MYT1L: variants seen among roughly 807,000 people sequenced by gnomAD.
MYT1L encodes the protein myelin transcription factor 1-like protein.
Under a neutral mutation model 126.7 loss-of-function variants are expected in MYT1L, and 12 were observed. The observed-to-expected ratio is 0.09, with a 90% CI of 0.06 to 0.15. The LOEUF (loss-of-function observed/expected upper bound fraction) is 0.15. Ranked by LOEUF, MYT1L falls within the 10% of genes least tolerant of loss-of-function variation. The pLI, the probability that MYT1L is intolerant of heterozygous loss-of-function variation, is 1.00. For missense variants in MYT1L, 979 were observed against 1,585.2 expected, an observed-to-expected ratio of 0.62 and a Z score of 6.49; for synonymous variants, 541 against 604.2, an observed-to-expected ratio of 0.90 and a Z score of 1.53.
At chr2:1,877,149 C>T (rs2148760622) in intron 18 of MYT1L, among the ~76,000 whole-genome samples, 1 of 152,322 alleles carries the variant, frequency 6.6e-6, no homozygotes, top group East Asian at 1.9e-4. Flanking sequence ...GTTGCAGCTG[C>T]ATAGGTGAGG....
intron 2 of MYT1L, among the ~76,000 whole-genome samples, chr2:2,248,418 A>G (rs2094574640): frequency 1.3e-5 from 2 of 152,120 alleles, no homozygotes; most frequent in African/African-American, 2.4e-5. Flanking sequence ...CCAGGACCCA[A>G]TGGCTTCACT....
chr2:2,177,054 G>A (rs768326934), intron 2 of MYT1L, among the ~76,000 whole-genome samples: 2 of 152,314 alleles, frequency 1.3e-5, no homozygotes, highest in East Asian at 1.9e-4. Flanking sequence ...AGAGAGGGCC[G>A]GTAGCACTCC....
intron 19 of MYT1L, among the ~76,000 whole-genome samples, chr2:1,847,699 T>C (rs1482148583): frequency 6.6e-6 from 1 of 152,076 alleles, no homozygotes; most frequent in East Asian, 1.9e-4. Flanking sequence ...AACAAGAGTA[T>C]AAAGAGGAGC....
At chr2:1,870,229 C>T (rs988080509) in intron 18 of MYT1L, among the ~76,000 whole-genome samples, 1 of 152,190 alleles carries the variant, frequency 6.6e-6, no homozygotes, top group Non-Finnish European at 1.5e-5. Flanking sequence ...ACCCAAGCTG[C>T]ATGGATTTGG....
chr2:2,161,806 G>C (rs1575576203), intron 3 of MYT1L, among the ~76,000 whole-genome samples: 1 of 152,132 alleles, frequency 6.6e-6, no homozygotes, highest in Non-Finnish European at 1.5e-5. Context: ...TGAATTTGTG[G>C]GGTACTTATT....
At chr2:1,959,229 C>T (rs1175144843) in intron 8 of MYT1L, among the ~76,000 whole-genome samples, 1 of 152,180 alleles carries the variant, frequency 6.6e-6, no homozygotes. Flanking sequence ...CTGCTCTTTC[C>T]AGATCATGCT....
intron 8 of MYT1L, among the ~76,000 whole-genome samples, chr2:1,946,762 T>C (rs1240598744): frequency 6.6e-6 from 1 of 152,194 alleles, no homozygotes; most frequent in East Asian, 1.9e-4. Context: ...ATATTTTCAT[T>C]TGTGAGGGGA....
intron 14 of MYT1L, among the ~76,000 whole-genome samples, chr2:1,901,960 C>A (rs1020734238): frequency 6.6e-6 from 1 of 152,146 alleles, no homozygotes; most frequent in Non-Finnish European, 1.5e-5. Flanking sequence ...GCAGCCAGCC[C>A]CAAGTATCTT....
chr2:1,827,367 C>T (rs1204695015), intron 21 of MYT1L: 2 of 152,200 alleles, frequency 1.3e-5, no homozygotes, highest in East Asian at 3.9e-4. Context: ...TGTTATAAAA[C>T]AAGGTATGCC....
At chr2:2,329,436 T>C (rs1458939909) in intron 1 of MYT1L, among the ~76,000 whole-genome samples, 2 of 151,546 alleles carry the variant, frequency 1.3e-5, no homozygotes, top group African/African-American at 4.9e-5. Context: ...CTTCATATTA[T>C]AATATAGATC....
rs1168405377 is a variant in MYT1L, at chr2:1,793,589, A to T, written c.3277-1125T>A. On this transcript the variant is annotated intron_variant, in intron 23 of 24. Transcript: ENST00000647738. The surrounding 1 kb of genome is among the most constrained non-coding windows in gnomAD (Gnocchi z 4.6). ...ACTGGGTCAAATCCCGGGTTCTCCCAGTCACCAGCCTCAGGCCCAGACCCT... is the reference window on the plus strand; with the variant it reads ...ACTGGGTCAAATCCCGGGTTCTCCCTGTCACCAGCCTCAGGCCCAGACCCT... Among the ~76,000 whole-genome samples the T allele has an allele frequency of 2.6e-5, 4 of 152,068 alleles. No homozygotes were observed. The highest frequency in any genetic ancestry group is 2.9e-5 in the Non-Finnish European group (2 of 68,030).
chr2:2,319,980 A>G (rs2096133122), intron 1 of MYT1L, among the ~76,000 whole-genome samples: 1 of 152,130 alleles, frequency 6.6e-6, no homozygotes. Context: ...ATTGACTTTG[A>G]TATTTTCTTT....
At chr2:1,928,552 G>A (rs989169332) in intron 9 of MYT1L, among the ~76,000 whole-genome samples, 3 of 152,050 alleles carry the variant, frequency 2.0e-5, no homozygotes, top group Admixed American at 1.3e-4. Flanking sequence ...CTCCCAGGAG[G>A]CACGTTCTAC....
intron 9 of MYT1L, among the ~76,000 whole-genome samples, chr2:1,925,758 A>C (rs1307137231): frequency 6.6e-6 from 1 of 152,154 alleles, no homozygotes; most frequent in Non-Finnish European, 1.5e-5. Flanking sequence ...CTCATACCGC[A>C]TTGATATGAA....
intron 2 of MYT1L, among the ~76,000 whole-genome samples, chr2:2,217,020 G>A (rs1452336514): frequency 6.6e-6 from 1 of 152,176 alleles, no homozygotes; most frequent in Non-Finnish European, 1.5e-5. Context: ...CCAAAGAAAT[G>A]CAAATTGTAG....
intron 2 of MYT1L, among the ~76,000 whole-genome samples, chr2:2,218,198 T>G (rs2093749407): frequency 6.6e-6 from 1 of 152,238 alleles, no homozygotes; most frequent in South Asian, 2.1e-4. Flanking sequence ...TATGAACTTG[T>G]CATTTCACTG....
chr2:2,271,149 C>A (rs1365378870), intron 2 of MYT1L, among the ~76,000 whole-genome samples: 1 of 152,128 alleles, frequency 6.6e-6, no homozygotes, highest in Non-Finnish European at 1.5e-5. Context: ...TGACAAGTAA[C>A]CCTTTTGTTT....
chr2:2,255,222 G>C (rs73913285), intron 2 of MYT1L, among the ~76,000 whole-genome samples: 2,457 of 152,150 alleles, frequency 0.016, 64 homozygotes, highest in African/African-American at 0.057. Context: ...GCAGCTCCCC[G>C]TCCTGACAGC....
chr2:2,126,727 T>C (rs1414046609), intron 3 of MYT1L, among the ~76,000 whole-genome samples: 1 of 152,250 alleles, frequency 6.6e-6, no homozygotes, highest in Non-Finnish European at 1.5e-5. Flanking sequence ...GGGCTGGGCC[T>C]GCTGCCACAG....
Sources: allele counts gnomAD v4.1 joint callset (sites outside exome capture counted in the v4.1 genomes callset), GRCh38; gene constraint gnomAD v4.1.1; non-coding constraint Gnocchi (gnomAD v3.1); transcripts MANE v1.5; gene names NCBI Gene and HGNC (gene_info 2026-07-23, HGNC 2026-07-21).